GNL3L: variants seen among roughly 807,000 people sequenced by gnomAD.
GNL3L encodes the protein guanine nucleotide-binding protein-like 3-like protein.
Under a neutral mutation model 42.9 loss-of-function variants are expected in GNL3L, and 4 were observed. The ratio of observed to expected loss-of-function variants is 0.09; its 90% CI spans 0.05 to 0.21. The LOEUF is 0.21. Among genes scored for constraint, GNL3L ranks in the 10% least tolerant of loss-of-function variants. GNL3L has a pLI of 1.00. For synonymous variants in GNL3L, 159 were observed against 176.3 expected (o/e 0.90, Z 0.78); for missense variants, 412 against 481.7 (o/e 0.86, Z 1.36).
At chrX:54,584,737 T>G (rs1166646706) in intron 16 of GNL3L, among the ~76,000 whole-genome samples, 1 of 112,702 alleles carries the variant, frequency 8.9e-6, no homozygotes, top group African/African-American at 3.2e-5. Context: ...GTAATTCTGT[T>G]TTTAATTTTT....
At chrX:54,620,919 A>G (rs1926279437) in exon 17 of GNL3L, among the ~76,000 whole-genome samples, 2 of 112,552 alleles carry the variant, frequency 1.8e-5, no homozygotes, top group Non-Finnish European at 3.7e-5. Flanking sequence ...TCCAAAGCAT[A>G]AAGTGGACCT....
Position 54,554,547 on chromosome X carries a change from G to T in GNL3L, c.1319-18G>T. 2 of 1,206,887 alleles carry T rather than the reference G, an allele frequency of 1.7e-6. No homozygotes were observed. Among genetic ancestry groups the T allele is most frequent in the Non-Finnish European group, 2.2e-6 (2 of 891,688 alleles). On this transcript the variant is annotated intron_variant, in intron 13 of 15. Coordinates refer to ENST00000360845, the MANE Select transcript of GNL3L (RefSeq NM_001184819.2). ...GAGGGGAGCCAGGGCCCTGACAGTG[G>T]TGTTGGTTGTGTTAAAGGCTTGGCC...
At position 54,591,129 on chromosome X, in the gene GNL3L, C is replaced by A. The variant is rs1925866505; in HGVS notation, c.*46-29716C>A. Among the ~76,000 whole-genome samples the A allele has an allele frequency of 2.7e-5, 3 of 111,210 alleles. No homozygotes were observed. The South Asian group carries it at 1.1e-3, about 41-fold the overall frequency. ...TACAGGCGTGAGCCACCGTCCCCAG[C>A]CTGAGGTCTTAGATTTAGAATTTAA... is the stretch of plus-strand genomic sequence containing the variant. On this transcript the variant is annotated intron_variant, in intron 16 of 16. Transcript: ENST00000674498.
intron 1 of GNL3L, 98 bp from the exon 2 acceptor site, chrX:54,532,422 A>G (rs1488171413): frequency 5.8e-6 from 3 of 518,309 alleles, no homozygotes; most frequent in East Asian, 3.5e-5. Context: ...CTTCCTCATA[A>G]TGTTCTTTAA....
chrX:54,606,371 A>G (rs1391126173), intron 16 of GNL3L, among the ~76,000 whole-genome samples: 1 of 111,605 alleles, frequency 9.0e-6, no homozygotes, highest in African/African-American at 3.3e-5. Flanking sequence ...ACTTAAATGA[A>G]CTTCAAGAAC....
rs747378205 is a variant in GNL3L, at chrX:54,615,537, T to A, written c.*46-5308T>A. 1.8e-3 allele frequency among the ~76,000 whole-genome samples: 202 copies of A among 111,839 alleles called. 1 individual carries two copies. Among genetic ancestry groups the A allele is most frequent in the African/African-American group, 6.2e-3 (191 of 30,819 alleles). On this transcript the variant is annotated intron_variant, in intron 16 of 16. Coordinates refer to the GNL3L transcript ENST00000674498. ...TATATGTATACTTTACAATAAAAAA[T>A]TTTTAAAAACCCAATAAAAGGCTGG...
At chrX:54,627,952 C>T in the GNL3L span, among the ~76,000 whole-genome samples, 3 of 110,482 alleles carry the variant, frequency 2.7e-5, no homozygotes, top group African/African-American at 6.6e-5. Flanking sequence ...ACCCATCACC[C>T]GAGCAGTGTA....
chrX:54,530,297 G>C lies in GNL3L; in HGVS notation c.-170G>C, dbSNP rs1324163171. ...TGCCCTCGCTTCTCAGATCCCCGCC[G>C]GAAGTGTAAGTAAGAAACTTCTCTC... On this transcript the variant is annotated 5_prime_UTR_variant, in exon 1 of 16. Coordinates refer to ENST00000360845, the MANE Select transcript of GNL3L (RefSeq NM_001184819.2). 1 of 109,907 alleles carries C rather than the reference G, an allele frequency of 9.1e-6. No homozygotes were observed. Among genetic ancestry groups the C allele is most frequent in the African/African-American group, 3.3e-5 (1 of 30,506 alleles). 9.1% of individuals were successfully genotyped at this position (109,907 alleles called of 1,213,427 possible). A position where few individuals can be genotyped will look rare whatever the true frequency, so the allele number is the denominator to read the frequency against.
downstream of GNL3L, among the ~76,000 whole-genome samples, chrX:54,624,748 TTTC>T (rs1926335477): frequency 9.0e-6 from 1 of 111,216 alleles, no homozygotes; most frequent in Non-Finnish European, 1.9e-5. Context: ...GCAGGAATGA[TTTC>T]TTCTGAGGCT....
At chrX:54,554,429 T>C in intron 13 of GNL3L, 136 bp from the exon 14 acceptor site, 2 of 503,142 alleles carry the variant, frequency 4.0e-6, no homozygotes, top group Non-Finnish European at 6.6e-6. Context: ...TGATGTGGCC[T>C]CTCAGCAGGA....
downstream of GNL3L, among the ~76,000 whole-genome samples, chrX:54,567,569 C>T (rs1233196331): frequency 9.2e-6 from 1 of 108,115 alleles, no homozygotes; most frequent in Non-Finnish European, 1.9e-5. Flanking sequence ...TCTCTTGAAC[C>T]CAGGAGGCAG....
intron 16 of GNL3L, among the ~76,000 whole-genome samples, chrX:54,573,541 CT>C (rs1475229205): frequency 9.1e-6 from 1 of 109,900 alleles, no homozygotes; most frequent in African/African-American, 3.3e-5. Context: ...AGGGAGAGCT[CT>C]TTTTTTCTTT....
chrX:54,576,876 G>A (rs1406287559), intron 16 of GNL3L, among the ~76,000 whole-genome samples: 3 of 111,062 alleles, frequency 2.7e-5, no homozygotes, highest in Non-Finnish European at 5.7e-5. Flanking sequence ...TTTAAATCCC[G>A]CCTTCTTTTT....
At chrX:54,612,243 C>T (rs974844626) in intron 16 of GNL3L, among the ~76,000 whole-genome samples, 8 of 111,532 alleles carry the variant, frequency 7.2e-5, no homozygotes, top group African/African-American at 2.3e-4. Flanking sequence ...AATAGCTACC[C>T]CTGCTTGCTT....
chrX:54,633,295 C>T, the GNL3L span, among the ~76,000 whole-genome samples: 1 of 111,842 alleles, frequency 8.9e-6, no homozygotes, highest in Non-Finnish European at 1.9e-5. Flanking sequence ...GTATTATTTT[C>T]TCCTTCCTTG....
chrX:54,645,802 A>G, the GNL3L span, among the ~76,000 whole-genome samples: 2 of 111,921 alleles, frequency 1.8e-5, no homozygotes. Flanking sequence ...CGTTTCTGAG[A>G]CATTTTATAT....
At chrX:54,613,672 T>C (rs1302870911) in intron 16 of GNL3L, among the ~76,000 whole-genome samples, 1 of 110,971 alleles carries the variant, frequency 9.0e-6, no homozygotes, top group Non-Finnish European at 1.9e-5. Context: ...GTGATTGTTG[T>C]CTGTCTTCTG....
rs1283661347 is a variant in GNL3L at position 54,564,559 on chromosome X, C to T, written c.*3957C>T. Among the ~76,000 whole-genome samples the T allele has an allele frequency of 9.5e-6, 1 of 105,486 alleles. No individual in the cohort carries two copies. The highest frequency in any genetic ancestry group is 3.5e-5 in the African/African-American group (1 of 28,841). The allele number at this position is 105,486 out of a possible 115,157, so 91.6% of individuals were successfully genotyped here. The stretch of plus-strand genomic sequence containing the variant: ...AGTAGCTGGGATTATGGGCGCCCGC[C>T]ACCACGCCCAGCTAATTTTTGTATT... On this transcript the variant is annotated 3_prime_UTR_variant, in exon 16 of 16. Coordinates refer to ENST00000360845, the MANE Select transcript of GNL3L (RefSeq NM_001184819.2).
the GNL3L span, among the ~76,000 whole-genome samples, chrX:54,629,244 A>G: frequency 9.0e-6 from 1 of 110,612 alleles, no homozygotes; most frequent in South Asian, 3.7e-4. Context: ...ATCAATTTGG[A>G]TGTCCTTTAT....
Sources: gnomAD v4.1 joint callset for allele counts (sites outside exome capture counted in the v4.1 genomes callset) on GRCh38, gnomAD v4.1.1 for gene constraint, MANE v1.5 for transcripts, NCBI Gene and HGNC (gene_info 2026-07-23, HGNC 2026-07-21) for gene names.